The following MAP2K1 variants were observed in gnomAD, a reference collection of about 807,000 sequenced individuals.
MAP2K1 encodes mitogen-activated protein kinase kinase 1, also known as dual specificity mitogen-activated protein kinase kinase 1.
Under a neutral mutation model 46.3 loss-of-function variants are expected in MAP2K1, and 16 were observed. That is an observed-to-expected ratio of 0.35 (90% CI 0.23 to 0.52). MAP2K1 has a LOEUF of 0.52. Ranked by LOEUF, MAP2K1 falls within the 20% of genes least tolerant of loss-of-function variation. The probability of loss-of-function intolerance (pLI) is 0.94; values close to 1 mark genes in which losing one functional copy is unlikely to be tolerated. For missense variants in MAP2K1, 263 were observed against 497.1 expected, an observed-to-expected ratio of 0.53 and a Z score of 4.48; for synonymous variants, 183 against 185.6, an observed-to-expected ratio of 0.99 and a Z score of 0.11.
intron 1 of MAP2K1, among the ~76,000 whole-genome samples, chr15:66,434,632 T>C (rs2093482750): frequency 6.6e-6 from 1 of 152,198 alleles, no homozygotes; most frequent in African/African-American, 2.4e-5. Flanking sequence ...ATTTAGGGTA[T>C]TTTATTTTGC....
chr15:66,432,677 C>T (rs1475617696), intron 1 of MAP2K1, among the ~76,000 whole-genome samples: 1 of 152,136 alleles, frequency 6.6e-6, no homozygotes, highest in East Asian at 1.9e-4. Context: ...CAGTTGCCTC[C>T]CTTGAAAGTA....
chr15:66,421,123 CACAT>C (rs201316024), intron 1 of MAP2K1, among the ~76,000 whole-genome samples: 19,198 of 70,660 alleles, frequency 0.27, 1,245 homozygotes, highest in East Asian at 0.45. Flanking sequence ...CACACACACA[CACAT>C]ATATATATAT....
chr15:66,489,416 C>T (rs1893163720), intron 9 of MAP2K1, 140 bp downstream of exon 9: 6 of 836,020 alleles, frequency 7.2e-6, no homozygotes, highest in African/African-American at 5.1e-5. Context: ...TGGCTGCTGC[C>T]ATAAGCCCTT....
At chr15:66,418,389 C>T (rs1052023501) in intron 1 of MAP2K1, among the ~76,000 whole-genome samples, 1 of 152,164 alleles carries the variant, frequency 6.6e-6, no homozygotes, top group Non-Finnish European at 1.5e-5. Flanking sequence ...AACTGCATTC[C>T]TGATTGATAG....
At chr15:66,462,259 T>C (rs550301201) in intron 5 of MAP2K1, among the ~76,000 whole-genome samples, 2 of 152,166 alleles carry the variant, frequency 1.3e-5, no homozygotes, top group African/African-American at 4.8e-5. Context: ...CCCAGCACTT[T>C]AGGAGCTGAG....
intron 1 of MAP2K1, among the ~76,000 whole-genome samples, chr15:66,421,018 C>T (rs2093441097): frequency 2.2e-4 from 1 of 4,568 alleles, no homozygotes; most frequent in African/African-American, 2.4e-4. Context: ...CATATATATA[C>T]TTATAATTTT....
At chr15:66,407,605 C>A (rs891847) in intron 1 of MAP2K1, among the ~76,000 whole-genome samples, 150,373 of 152,376 alleles carry the variant, frequency 0.99, 74,226 homozygotes, top group East Asian at 1. Flanking sequence ...CATGCTTTCA[C>A]GCAAGTAGAG....
At chr15:66,418,270 C>T (rs2093429112) in intron 1 of MAP2K1, among the ~76,000 whole-genome samples, 1 of 152,054 alleles carries the variant, frequency 6.6e-6, no homozygotes, top group East Asian at 1.9e-4. Flanking sequence ...AGTGAATTGG[C>T]CTTATGTTCC....
In MAP2K1 at chr15:66,432,026, C is replaced by T. The variant is rs372723360; in HGVS notation, c.81-3001C>T. The stretch of plus-strand genomic sequence containing the variant: ...CATGTTCCCGCAAAGGACGTGATCT[C>T]GTTCCTTTTTATGTCTGCATAGTAT... On this transcript the variant is annotated intron_variant, in intron 1 of 10. Transcript: ENST00000307102. Among the ~76,000 whole-genome samples the T allele has an allele frequency of 1.1e-4, 16 of 152,292 alleles. No individual in the cohort carries two copies. In the East Asian group the frequency reaches 2.1e-3, roughly 20 times the overall value.
chr15:66,392,893 C>T (rs912133797), intron 1 of MAP2K1, among the ~76,000 whole-genome samples: 7 of 152,126 alleles, frequency 4.6e-5, no homozygotes, highest in African/African-American at 1.7e-4. Flanking sequence ...GAGCTCTATT[C>T]ATGATGCTAT....
At chr15:66,442,751 AG>A (rs1567011646) in intron 3 of MAP2K1, among the ~76,000 whole-genome samples, 3 of 152,202 alleles carry the variant, frequency 2.0e-5, no homozygotes, top group Non-Finnish European at 4.4e-5. Flanking sequence ...TTCAGGGCTC[AG>A]TCCCCAAGAC....
chr15:66,392,453 A>G (rs1299925116), intron 1 of MAP2K1, among the ~76,000 whole-genome samples: 2 of 150,888 alleles, frequency 1.3e-5, no homozygotes, highest in Non-Finnish European at 3.0e-5. Context: ...TGCTGAAATT[A>G]TAGGTATGAG....
At chr15:66,479,243 G>A (rs376744242) in intron 5 of MAP2K1, among the ~76,000 whole-genome samples, 5 of 152,010 alleles carry the variant, frequency 3.3e-5, no homozygotes, top group African/African-American at 9.7e-5. Flanking sequence ...GATTACAGGC[G>A]TGTGCCACCA....
intron 5 of MAP2K1, among the ~76,000 whole-genome samples, chr15:66,462,955 G>A (rs1025150383): frequency 3.9e-5 from 6 of 152,308 alleles, no homozygotes; most frequent in East Asian, 3.9e-4. Flanking sequence ...CTTATTCTGC[G>A]TGCTTTGCAC....
chr15:66,423,706 C>A (rs1443644305), intron 1 of MAP2K1, among the ~76,000 whole-genome samples: 2 of 146,050 alleles, frequency 1.4e-5, no homozygotes, highest in African/African-American at 5.1e-5. Flanking sequence ...CTCCCAGGTT[C>A]AAGTGTTTCT....
At chr15:66,433,093 A>C (rs1303644656) in intron 1 of MAP2K1, among the ~76,000 whole-genome samples, 2 of 151,816 alleles carry the variant, frequency 1.3e-5, no homozygotes, top group East Asian at 3.9e-4. Flanking sequence ...GGGTCCATCT[A>C]CATTTGACAT....
In MAP2K1 at chr15:66,478,178, G is replaced by A. The variant is rs189072202; in HGVS notation, c.569-3577G>A. Reference sequence around the variant, plus strand: ...TCAAATGTCCTCTCCTCACAGGGCCGTTCCTTGCCACCCTGTCACAACAGT... The same window carrying A: ...TCAAATGTCCTCTCCTCACAGGGCCATTCCTTGCCACCCTGTCACAACAGT... On this transcript the variant is annotated intron_variant, in intron 5 of 10. Coordinates refer to ENST00000307102, the MANE Select transcript of MAP2K1 (RefSeq NM_002755.4). 3.9e-3 allele frequency among the ~76,000 whole-genome samples: 582 copies of A among 150,926 alleles called. 7 individuals carry two copies. Among genetic ancestry groups the A allele is most frequent in the African/African-American group, 0.014 (556 of 41,126 alleles).
At chr15:66,420,079 A>G (rs1227469374) in intron 1 of MAP2K1, among the ~76,000 whole-genome samples, 1 of 151,636 alleles carries the variant, frequency 6.6e-6, no homozygotes, top group East Asian at 1.9e-4. Context: ...TCCTGTCTCT[A>G]CTAAAAATAC....
At chr15:66,477,204 C>T (rs1892773615) in intron 5 of MAP2K1, among the ~76,000 whole-genome samples, 1 of 152,132 alleles carries the variant, frequency 6.6e-6, no homozygotes, top group African/African-American at 2.4e-5. Context: ...TGGTGGCAAG[C>T]TGTGTTATGT....
Sources: allele counts gnomAD v4.1 joint callset (sites outside exome capture counted in the v4.1 genomes callset), GRCh38; gene constraint gnomAD v4.1.1; transcripts MANE v1.5; gene names NCBI Gene and HGNC (gene_info 2026-07-23, HGNC 2026-07-21).